The following PCDHGC3 variants were observed in gnomAD, a reference collection of about 807,000 sequenced individuals.
PCDHGC3 encodes the protein protocadherin gamma-C3.
In PCDHGC3, 26 loss-of-function variants were observed where a neutral mutation model predicts 59.2. The observed-to-expected ratio is 0.44, with a 90% CI of 0.32 to 0.61. The LOEUF (loss-of-function observed/expected upper bound fraction) is 0.61. Ranked by LOEUF, PCDHGC3 falls within the 20% of genes least tolerant of loss-of-function variation. PCDHGC3 has a pLI of 0.05. For synonymous variants in PCDHGC3, 487 were observed against 519.7 expected, an observed-to-expected ratio of 0.94 and a Z score of 0.86; for missense variants, 1,080 against 1,221.8, an observed-to-expected ratio of 0.88 and a Z score of 1.73.
At chr5:141,480,511 A>G (rs2099520888) in intron 1 of PCDHGC3, among the ~76,000 whole-genome samples, 1 of 127,378 alleles carries the variant, frequency 7.9e-6, no homozygotes, top group African/African-American at 3.6e-5. Context: ...ATATGAGAAC[A>G]ACCAAAAATG....
intron 1 of PCDHGC3, among the ~76,000 whole-genome samples, chr5:141,494,469 C>T (rs2099754623): frequency 6.6e-6 from 1 of 152,114 alleles, no homozygotes; most frequent in Non-Finnish European, 1.5e-5. Flanking sequence ...GCACCTCTTC[C>T]CCCAGTTCCA....
Position 141,487,591 on chromosome 5 carries a change from C to G in PCDHGC3, c.2431-7216C>G, listed in dbSNP as rs2099653282. The G allele has an allele frequency of 1.2e-6, 2 of 1,614,176 alleles. No individual in the cohort carries two copies. The highest frequency in any genetic ancestry group is 1.7e-6 in the Non-Finnish European group (2 of 1,180,036). ...AGCCTGTTCGCCCAAGCTGCCCACC[C>G]TCTGATCTTCTCTATGGGCTAGAGG... is the stretch of plus-strand genomic sequence containing the variant. On this transcript the variant is annotated intron_variant, in intron 1 of 3. Coordinates refer to ENST00000308177, the MANE Select transcript of PCDHGC3 (RefSeq NM_002588.4). The surrounding 1 kb of genome is among the most constrained non-coding windows in gnomAD (Gnocchi z 5.0).
At position 141,487,886 on chromosome 5, in the gene PCDHGC3, G is replaced by A. The variant is rs1208779156; in HGVS notation, c.2431-6921G>A. On this transcript the variant is annotated intron_variant, in intron 1 of 3. Transcript: ENST00000308177. This position sits in a 1 kb window ranked among gnomAD's most constrained non-coding sequence, Gnocchi z 5.0. ...GATCAAGAGCCAGGCTGTTGTGGAA[G>A]CATGATGATGGAATGTGGGAGCACA... is the stretch of plus-strand genomic sequence containing the variant. 1.3e-6 allele frequency: 1 copy of A among 751,316 alleles called. No individual in the cohort carries two copies. The highest frequency in any genetic ancestry group is 2.1e-6 in the Non-Finnish European group (1 of 467,526). The allele number at this position is 751,316 out of a possible 1,614,324, so 46.5% of individuals were successfully genotyped here.
chr5:141,490,846 G>T lies in PCDHGC3; in HGVS notation c.2431-3961G>T. 1 of 1,613,880 alleles carries T rather than the reference G, an allele frequency of 6.2e-7. No individual in the cohort carries two copies. Among genetic ancestry groups the T allele is most frequent in the Non-Finnish European group, 8.5e-7 (1 of 1,179,906 alleles). ...GCAGATGCTGCAGATTGTGGTGGGG[G>T]TTCGAGACTCCGGCTCTCCCCCATT... On this transcript the variant is annotated intron_variant, in intron 1 of 3. Coordinates refer to ENST00000308177, the MANE Select transcript of PCDHGC3 (RefSeq NM_002588.4). This position sits in a 1 kb window ranked among gnomAD's most constrained non-coding sequence, Gnocchi z 5.4.
At chr5:141,499,648 CAT>C (rs1434824310) in intron 2 of PCDHGC3, among the ~76,000 whole-genome samples, 2 of 148,784 alleles carry the variant, frequency 1.3e-5, no homozygotes, top group Admixed American at 6.7e-5. Flanking sequence ...TCTCAGACAT[CAT>C]ATAATTTCAT....
rs77976889 is a variant in PCDHGC3, at chr5:141,493,704, G to C, written c.2431-1103G>C. On this transcript the variant is annotated intron_variant, in intron 1 of 3. Transcript: ENST00000308177. This position sits in a 1 kb window ranked among gnomAD's most constrained non-coding sequence, Gnocchi z 4.3. ...GTGCTGGTGACTCCCGATACACCTG[G>C]AATGCTAGGTTTCTGGGTTCTGCTC... Among the ~76,000 whole-genome samples the C allele has an allele frequency of 1.7e-3, 258 of 152,278 alleles. 2 individuals are homozygous for C. The highest frequency in any genetic ancestry group is 5.7e-3 in the African/African-American group (237 of 41,540).
rs1014758036 is a variant in PCDHGC3 at position 141,486,472 on chromosome 5, T to C, written c.2430+7926T>C. The C allele has an allele frequency of 6.2e-7, 1 of 1,614,032 alleles. No homozygotes were observed. Among genetic ancestry groups the C allele is most frequent in the Non-Finnish European group, 8.5e-7 (1 of 1,179,862 alleles). ...TCACTGCTTCTGATGCTGGGAACCC[T>C]CCTCTCAGTACCCACAGAACTATTT... On this transcript the variant is annotated intron_variant, in intron 1 of 3. Coordinates refer to ENST00000308177, the MANE Select transcript of PCDHGC3 (RefSeq NM_002588.4). This position sits in a 1 kb window ranked among gnomAD's most constrained non-coding sequence, Gnocchi z 5.0.
In PCDHGC3 at chr5:141,482,326, GAAT is replaced by G. The variant is rs1344469521; in HGVS notation, c.2430+3782_2430+3784del. Among the ~76,000 whole-genome samples, 3 of 152,072 alleles carry G rather than the reference GAAT, an allele frequency of 2.0e-5. No homozygotes were observed. The East Asian group carries it at 5.8e-4, about 29-fold the overall frequency. ...AGTTTCCTCATCTATAAAATAAAGAGAATATCTACTTTGCAAACTTGTTGTGAG... is the reference window on the plus strand; with the variant it reads ...AGTTTCCTCATCTATAAAATAAAGAGATCTACTTTGCAAACTTGTTGTGAG... On this transcript the variant is annotated intron_variant, in intron 1 of 3. Transcript: ENST00000308177.
At chr5:141,499,271 T>C (rs2099790752) in intron 2 of PCDHGC3, among the ~76,000 whole-genome samples, 1 of 152,180 alleles carries the variant, frequency 6.6e-6, no homozygotes, top group South Asian at 2.1e-4. Context: ...GTCCCTAGAC[T>C]GTTCTCTGAT....
chr5:141,482,967 AGCAGCTACTT>A (rs2099575323), intron 1 of PCDHGC3, among the ~76,000 whole-genome samples: 1 of 58,122 alleles, frequency 1.7e-5, no homozygotes, highest in African/African-American at 2.6e-4. Flanking sequence ...CAGCTACTTG[AGCAGCTACTT>A]GAGAGGTCGA....
Position 141,489,368 on chromosome 5 carries a change from C to T in PCDHGC3, c.2431-5439C>T, listed in dbSNP as rs889945954. The T allele has an allele frequency of 1.2e-5, 20 of 1,613,264 alleles. No homozygotes were observed. The highest frequency in any genetic ancestry group is 1.6e-5 in the Non-Finnish European group (19 of 1,179,484). On this transcript the variant is annotated intron_variant, in intron 1 of 3. Transcript: ENST00000308177. The surrounding 1 kb of genome is among the most constrained non-coding windows in gnomAD (Gnocchi z 4.5). The stretch of plus-strand genomic sequence containing the variant: ...GTGGTGGAGGAGTCTGAGCCGGGGA[C>T]GCTGGTGGGGAATGTTGCTCAGGAT...
At chr5:141,510,900 G>A in intron 3 of PCDHGC3, 47 bp from the exon 4 acceptor site, 6 of 1,613,378 alleles carry the variant, frequency 3.7e-6, no homozygotes, top group Non-Finnish European at 5.1e-6. Context: ...AGTGACTGTT[G>A]AGGACCCTAA....
chr5:141,490,331 C>G lies in PCDHGC3; in HGVS notation c.2431-4476C>G. 6.2e-7 allele frequency: 1 copy of G among 1,614,214 alleles called. No individual in the cohort carries two copies. The highest frequency in any genetic ancestry group is 1.1e-5 in the South Asian group (1 of 91,086). The stretch of plus-strand genomic sequence containing the variant: ...GCCAACCCTGTCCTAGAGAGCACAC[C>G]AGTGGGCACAGTAGTGGGGTTGTTT... On this transcript the variant is annotated intron_variant, in intron 1 of 3. Transcript: ENST00000308177. This position sits in a 1 kb window ranked among gnomAD's most constrained non-coding sequence, Gnocchi z 5.4.
rs2099429383 is a variant in PCDHGC3 at position 141,478,050 on chromosome 5, C to T, written c.1934C>T (p.Thr645Met). The stretch of plus-strand genomic sequence containing the variant: ...ACAGATTCACCCAGGCAGACTCTCA[C>T]GGTCTTGATCAAAGACAATGGGGAG... ...QDTDSPRQTL[T>M]VLIKDNGEPS... is the part of the protein sequence containing the mutation. The change falls in exon 1 of 4, where the codon ACG becomes ATG. Residue 645 changes from threonine to methionine, a missense_variant. Coordinates refer to ENST00000308177, the MANE Select transcript of PCDHGC3 (RefSeq NM_002588.4). The T allele has an allele frequency of 6.2e-7, 1 of 1,614,066 alleles. No homozygotes were observed. Among genetic ancestry groups the T allele is most frequent in the Non-Finnish European group, 8.5e-7 (1 of 1,180,052 alleles).
In PCDHGC3 at chr5:141,476,524, T is replaced by C. The variant is rs1350353768; in HGVS notation, c.408T>C (p.Pro136=). Residue 136 remains proline (P), a synonymous_variant, in exon 1 of 4, where the codon CCT becomes CCC. Coordinates refer to ENST00000308177, the MANE Select transcript of PCDHGC3 (RefSeq NM_002588.4). The surrounding 1 kb of genome is among the most constrained non-coding windows in gnomAD (Gnocchi z 7.6). ...TCAACGACAACAATCCTGCTTTCCC[T>C]ACCCAGGAAATGAAATTGGAGATTA... ...QDINDNNPAF[P]TQEMKLEISE... 6.2e-7 allele frequency: 1 copy of C among 1,614,182 alleles called. No individual in the cohort carries two copies. Among genetic ancestry groups the C allele is most frequent in the Non-Finnish European group, 8.5e-7 (1 of 1,180,028 alleles).
rs1323163663 is a variant in PCDHGC3, at chr5:141,478,127, C to A, written c.2011C>A (p.Pro671Thr). 6.2e-7 allele frequency: 1 copy of A among 1,614,106 alleles called. No homozygotes were observed. Among genetic ancestry groups the A allele is most frequent in the South Asian group, 1.1e-5 (1 of 91,086 alleles). Residue 671 changes from proline to threonine, a missense_variant, in exon 1 of 4, where the codon CCT (proline) becomes ACT (threonine). By Grantham distance (38) the Pro-to-Thr change is conservative. Transcript: ENST00000308177. Reference sequence around the variant, plus strand: ...CACTGTGTCAGTAACCGAGGACTCTCCTGAAGCCCGAGCCGAGTTCCCCTC... The same window carrying A: ...CACTGTGTCAGTAACCGAGGACTCTACTGAAGCCCGAGCCGAGTTCCCCTC... ...TLTVSVTEDS[P>T]EARAEFPSGS...
intron 1 of PCDHGC3, among the ~76,000 whole-genome samples, chr5:141,479,837 G>A (rs563513895): frequency 3.9e-5 from 6 of 152,338 alleles, no homozygotes; most frequent in Non-Finnish European, 8.8e-5. Flanking sequence ...TGGTATCCAT[G>A]CAAGGTGACT....
In PCDHGC3 at chr5:141,489,662, G is replaced by C; in HGVS notation, c.2431-5145G>C. 8.1e-6 allele frequency: 13 copies of C among 1,614,144 alleles called. No individual in the cohort carries two copies. The highest frequency in any genetic ancestry group is 1.1e-5 in the Non-Finnish European group (13 of 1,180,010). On this transcript the variant is annotated intron_variant, in intron 1 of 3. Coordinates refer to ENST00000308177, the MANE Select transcript of PCDHGC3 (RefSeq NM_002588.4). This position sits in a 1 kb window ranked among gnomAD's most constrained non-coding sequence, Gnocchi z 4.5. The stretch of plus-strand genomic sequence containing the variant: ...TTTGCCACCCCTGAGCGAGAGATGC[G>C]CATCTCAGAATCAGCAGCATCTGGG...
At chr5:141,506,699 C>T (rs758682427) in intron 3 of PCDHGC3, among the ~76,000 whole-genome samples, 2 of 152,094 alleles carry the variant, frequency 1.3e-5, no homozygotes, top group Non-Finnish European at 2.9e-5. Flanking sequence ...GACCCAAACC[C>T]GTTTTTTACT....
Sources: gnomAD v4.1 joint callset for allele counts (sites outside exome capture counted in the v4.1 genomes callset) on GRCh38, gnomAD v4.1.1 for gene constraint, Gnocchi (gnomAD v3.1) non-coding constraint, MANE v1.5 for transcripts, NCBI Gene and HGNC (gene_info 2026-07-23, HGNC 2026-07-21) for gene names.